PTPN14: variants seen among roughly 807,000 people sequenced by gnomAD.
PTPN14 encodes tyrosine-protein phosphatase non-receptor type 14.
In PTPN14, 53 loss-of-function variants were observed where a neutral mutation model predicts 126.8. That is an observed-to-expected ratio of 0.42 (90% CI 0.34 to 0.53). The LOEUF (loss-of-function observed/expected upper bound fraction) is 0.53. PTPN14 is among the 20% of genes least tolerant of loss of function. PTPN14 has a pLI of 0.08. For synonymous variants in PTPN14, 630 were observed against 599.3 expected (o/e 1.05, Z -0.75); for missense variants, 1,257 against 1,552.9 (o/e 0.81, Z 3.20).
At chr1:214,480,246 G>A (rs1252319662) in intron 1 of PTPN14, among the ~76,000 whole-genome samples, 1 of 152,162 alleles carries the variant, frequency 6.6e-6, no homozygotes, top group Non-Finnish European at 1.5e-5. Flanking sequence ...CCAAATAACT[G>A]TTAAATGCAG....
chr1:214,366,226 G>T (rs1316191812), intron 17 of PTPN14, among the ~76,000 whole-genome samples: 1 of 152,128 alleles, frequency 6.6e-6, no homozygotes, highest in Non-Finnish European at 1.5e-5. Context: ...TGCATAGAGG[G>T]AGTAGTTACT....
At chr1:214,408,731 G>C (rs76376166) in intron 5 of PTPN14, among the ~76,000 whole-genome samples, 2,599 of 152,310 alleles carry the variant, frequency 0.017, 81 homozygotes, top group African/African-American at 0.059. Context: ...GAGACAGGTG[G>C]TTAAGGAAAG....
At chr1:214,483,710 G>A (rs114709027) in intron 1 of PTPN14, among the ~76,000 whole-genome samples, 1,998 of 152,050 alleles carry the variant, frequency 0.013, 36 homozygotes, top group African/African-American at 0.044. Flanking sequence ...CATATACTCC[G>A]ATATAAATAA....
chr1:214,457,382 C>T (rs1194122373), intron 2 of PTPN14, among the ~76,000 whole-genome samples: 3 of 152,078 alleles, frequency 2.0e-5, no homozygotes, highest in African/African-American at 7.2e-5. Flanking sequence ...AGGAGAGAGC[C>T]GAGAGTTATG....
intron 1 of PTPN14, among the ~76,000 whole-genome samples, chr1:214,485,925 A>C (rs1661101408): frequency 6.6e-6 from 1 of 151,992 alleles, no homozygotes; most frequent in Non-Finnish European, 1.5e-5. Context: ...ACGGGGTTTC[A>C]CCATGTTAGC....
chr1:214,456,593 TA>T (rs1375288706), intron 2 of PTPN14, among the ~76,000 whole-genome samples: 2 of 152,200 alleles, frequency 1.3e-5, no homozygotes, highest in South Asian at 4.2e-4. Context: ...TTTATAAAAG[TA>T]CATGAAAAGA....
chr1:214,491,258 A>G (rs572777960), intron 1 of PTPN14, among the ~76,000 whole-genome samples: 6 of 152,102 alleles, frequency 3.9e-5, no homozygotes, highest in Non-Finnish European at 7.4e-5. Context: ...TGCTCTCACA[A>G]TGCTGCAATG....
chr1:214,350,190 A>G lies in PTPN14; in HGVS notation c.*7732T>C, dbSNP rs555135564. On this transcript the variant is annotated 3_prime_UTR_variant, in exon 19 of 19. Coordinates refer to ENST00000366956, the MANE Select transcript of PTPN14 (RefSeq NM_005401.5). Reference sequence around the variant, plus strand: ...TTCCTAGGTAAGTGAAAACAGATAAAATGTTTCTGGGCAGCCCAAAGGTTT... The same window carrying G: ...TTCCTAGGTAAGTGAAAACAGATAAGATGTTTCTGGGCAGCCCAAAGGTTT... 4.6e-5 allele frequency: 7 copies of G among 152,282 alleles called. No individual in the cohort carries two copies. The South Asian group carries it at 1.2e-3, about 27-fold the overall frequency. The allele number at this position is 152,282 out of a possible 1,614,324, so 9.4% of individuals were successfully genotyped here. A position where few individuals can be genotyped will look rare whatever the true frequency, so the allele number is the denominator to read the frequency against.
chr1:214,490,601 C>A (rs1279363469), intron 1 of PTPN14, among the ~76,000 whole-genome samples: 1 of 151,718 alleles, frequency 6.6e-6, no homozygotes, highest in East Asian at 1.9e-4. Context: ...CTTTGGGAGG[C>A]CAAGGCTGGC....
chr1:214,544,755 C>T (rs1248159201), intron 1 of PTPN14, among the ~76,000 whole-genome samples: 2 of 132,384 alleles, frequency 1.5e-5, no homozygotes, highest in African/African-American at 2.8e-5. Context: ...CATCTCAAAA[C>T]GAGAAAGAAA....
chr1:214,371,204 C>G (rs973203190), intron 16 of PTPN14, among the ~76,000 whole-genome samples: 6 of 152,098 alleles, frequency 3.9e-5, no homozygotes, highest in Non-Finnish European at 8.8e-5. Flanking sequence ...TCCTTGGCCA[C>G]CCCCCTGATC....
intron 2 of PTPN14, among the ~76,000 whole-genome samples, chr1:214,453,308 T>C (rs893388067): frequency 3.9e-5 from 6 of 152,216 alleles, no homozygotes; most frequent in Non-Finnish European, 7.3e-5. Flanking sequence ...ACTGAGTCCA[T>C]TAGTTGTTCC....
rs1235207841 is a variant in PTPN14 at position 214,397,795 on chromosome 1, A to G, written c.758+118T>C. 7 of 790,730 alleles carry G rather than the reference A, an allele frequency of 8.9e-6. No individual in the cohort carries two copies. In the African/African-American group the frequency reaches 1.0e-4, roughly 12 times the overall value. 49.0% of individuals were successfully genotyped at this position (790,730 alleles called of 1,614,324 possible). A position where few individuals can be genotyped will look rare whatever the true frequency, so the allele number is the denominator to read the frequency against. ...CAGAGGGCTCACCTTATATGAGCTG[A>G]GAGAAGTCAAATCTTATCCACAGTT... On this transcript the variant is annotated intron_variant, in intron 8 of 18. Transcript: ENST00000366956.
chr1:214,498,536 C>G (rs1045823969), intron 1 of PTPN14, among the ~76,000 whole-genome samples: 5 of 152,010 alleles, frequency 3.3e-5, no homozygotes, highest in African/African-American at 1.2e-4. Flanking sequence ...CTTACCTAGC[C>G]TCCAAAAAGA....
At chr1:214,370,955 C>T (rs931598705) in intron 16 of PTPN14, among the ~76,000 whole-genome samples, 1 of 152,168 alleles carries the variant, frequency 6.6e-6, no homozygotes, top group African/African-American at 2.4e-5. Context: ...CCTTGCCTGG[C>T]TTCATTTGGT....
intron 13 of PTPN14, among the ~76,000 whole-genome samples, chr1:214,379,273 CT>C (rs1424893626): frequency 6.6e-6 from 1 of 152,174 alleles, no homozygotes; most frequent in African/African-American, 2.4e-5. Flanking sequence ...CCTTGAGAGA[CT>C]TTTTTCCTTA....
chr1:214,359,720 T>C (rs1315546732), intron 18 of PTPN14, among the ~76,000 whole-genome samples: 3 of 151,102 alleles, frequency 2.0e-5, no homozygotes, highest in Non-Finnish European at 3.0e-5. Context: ...GAGGTCTTAC[T>C]CTGTTGCCCA....
intron 3 of PTPN14, among the ~76,000 whole-genome samples, chr1:214,439,555 G>C (rs1436375312): frequency 6.6e-6 from 1 of 152,172 alleles, no homozygotes; most frequent in Non-Finnish European, 1.5e-5. Context: ...CAGGCGAAAT[G>C]TCTACTCACT....
intron 1 of PTPN14, among the ~76,000 whole-genome samples, chr1:214,485,975 C>T (rs1180857601): frequency 6.6e-6 from 1 of 152,178 alleles, no homozygotes; most frequent in East Asian, 1.9e-4. Flanking sequence ...ATCCGCCCGC[C>T]TTGGCCTCTC....
Sources: gnomAD v4.1 joint callset for allele counts (sites outside exome capture counted in the v4.1 genomes callset) on GRCh38, gnomAD v4.1.1 for gene constraint, MANE v1.5 for transcripts, NCBI Gene and HGNC (gene_info 2026-07-23, HGNC 2026-07-21) for gene names.